ZFHX4: variants seen among roughly 807,000 people sequenced by gnomAD.
The protein encoded by ZFHX4 is zinc finger homeobox 4.
Under a neutral mutation model 267.6 loss-of-function variants are expected in ZFHX4, and 56 were observed. The ratio of observed to expected loss-of-function variants is 0.21; its 90% CI spans 0.17 to 0.26. The LOEUF (loss-of-function observed/expected upper bound fraction) is 0.26, where lower values mean the gene tolerates loss of function less well. ZFHX4 is among the 10% of genes least tolerant of loss of function. ZFHX4 has a pLI of 1.00. For synonymous variants in ZFHX4, 1,778 were observed against 1,665.6 expected (o/e 1.07, Z -1.64); for missense variants, 4,332 against 4,420.0 (o/e 0.98, Z 0.56).
At chr8:76,849,967 T>A in intron 8 of ZFHX4, 1 of 578,156 alleles carries the variant, frequency 1.7e-6, no homozygotes, top group South Asian at 2.2e-5. Flanking sequence ...GTTCATCAAA[T>A]AACCCCAGTG....
intron 4 of ZFHX4, among the ~76,000 whole-genome samples, chr8:76,804,216 G>C (rs1027702979): frequency 6.6e-6 from 1 of 152,074 alleles, no homozygotes; most frequent in African/African-American, 2.4e-5. Context: ...GAAGCAACGT[G>C]AGGAAAACAA....
At chr8:76,859,183 T>C (rs971588222) in intron 10 of ZFHX4, among the ~76,000 whole-genome samples, 1 of 152,202 alleles carries the variant, frequency 6.6e-6, no homozygotes, top group African/African-American at 2.4e-5. Flanking sequence ...CACAAAACTT[T>C]CTTATCTTCC....
chr8:76,788,577 G>A (rs1005251413), intron 4 of ZFHX4, among the ~76,000 whole-genome samples: 3 of 152,114 alleles, frequency 2.0e-5, no homozygotes, highest in Admixed American at 1.3e-4. Flanking sequence ...AACATGAATC[G>A]TTTCTGAGTT....
intron 4 of ZFHX4, among the ~76,000 whole-genome samples, chr8:76,784,584 T>C (rs1810639273): frequency 1.3e-5 from 2 of 151,974 alleles, no homozygotes; most frequent in South Asian, 4.1e-4. Context: ...ACAGTCAAGC[T>C]CCACTCTGTA....
rs1204411507 is a variant in ZFHX4 at position 76,849,712 on chromosome 8, A to C, written c.3846A>C (p.Thr1282=). 1.2e-6 allele frequency: 2 copies of C among 1,612,458 alleles called. No homozygotes were observed. The highest frequency in any genetic ancestry group is 2.2e-5 in the South Asian group (2 of 90,992). ...SPDCVEKLLM[T]VPVPDVMMPN... ...ACTGTGTGGAGAAGCTGCTTATGAC[A>C]GTAAGGATACCAAATATTGATGCAT... Residue 1282 remains threonine, a splice_region_variant and synonymous_variant, in exon 8 of 11, where the codon ACA becomes ACC. Transcript: ENST00000651372.
intron 10 of ZFHX4, among the ~76,000 whole-genome samples, chr8:76,859,234 A>T (rs1353046569): frequency 6.6e-6 from 1 of 152,182 alleles, no homozygotes; most frequent in Admixed American, 6.6e-5. Context: ...AATTACTAAG[A>T]AGGCCCTTTC....
chr8:76,714,912 A>T lies in ZFHX4; in HGVS notation c.3093+6864A>T, dbSNP rs143561974. Among the ~76,000 whole-genome samples, 35 of 152,338 alleles carry T rather than the reference A, an allele frequency of 2.3e-4. No homozygotes were observed. In the East Asian group the frequency reaches 6.6e-3, roughly 29 times the overall value. On this transcript the variant is annotated intron_variant, in intron 3 of 10. Transcript: ENST00000651372. ...CAGAGTTAAATCTATGGACGTAGTC[A>T]TCAAGAGTTTCCATGCATTTTTTCA...
intron 4 of ZFHX4, among the ~76,000 whole-genome samples, chr8:76,789,118 T>C (rs1810769652): frequency 6.6e-6 from 1 of 152,180 alleles, no homozygotes; most frequent in East Asian, 1.9e-4. Flanking sequence ...AAGACTAAAC[T>C]GACATATGAT....
In ZFHX4 at chr8:76,850,371, T is replaced by A. The variant is rs766905023; in HGVS notation, c.3964+9T>A. The A allele has an allele frequency of 3.1e-6, 5 of 1,599,246 alleles. No homozygotes were observed. In the East Asian group the frequency reaches 1.1e-4, roughly 36 times the overall value. ...GTCTGGGAAATATTCAGGTATGCCA[T>A]CTTATCATCAAGACTTGTGAACAAT... On this transcript the variant is annotated intron_variant, in intron 9 of 10. Coordinates refer to ENST00000651372, the MANE Select transcript of ZFHX4 (RefSeq NM_024721.5).
chr8:76,782,833 T>C (rs952937202), intron 4 of ZFHX4, among the ~76,000 whole-genome samples: 8 of 152,014 alleles, frequency 5.3e-5, no homozygotes, highest in African/African-American at 1.7e-4. Context: ...ATAATCGTTT[T>C]TCATTGCTTG....
In ZFHX4 at chr8:76,851,777, C is replaced by A. The variant is rs765108452; in HGVS notation, c.4856C>A (p.Thr1619Lys). Residue 1619 changes from threonine (T) to lysine (K), a missense_variant, in exon 10 of 11, where the codon ACA becomes AAA. By Grantham distance (78) the Thr-to-Lys change is moderately conservative. Transcript: ENST00000651372. ...EIHMRSVLHQTKARAAKLEPS... is the reference protein window; with the variant it reads ...EIHMRSVLHQKKARAAKLEPS... Reference sequence around the variant, plus strand: ...CACATGAGGTCTGTGCTCCACCAGACAAAGGCTAGGGCTGCAAAGCTGGAG... The same window carrying A: ...CACATGAGGTCTGTGCTCCACCAGAAAAAGGCTAGGGCTGCAAAGCTGGAG... 1.9e-6 allele frequency: 3 copies of A among 1,613,978 alleles called. No individual in the cohort carries two copies. Among genetic ancestry groups the A allele is most frequent in the Non-Finnish European group, 8.5e-7 (1 of 1,179,892 alleles).
rs182353089 is a variant in ZFHX4, at chr8:76,718,759, C to G, written c.3093+10711C>G. 4.2e-4 allele frequency among the ~76,000 whole-genome samples: 64 copies of G among 152,088 alleles called. No individual in the cohort carries two copies. In the East Asian group the frequency reaches 0.01, roughly 24 times the overall value. On this transcript the variant is annotated intron_variant, in intron 3 of 10. Coordinates refer to ENST00000651372, the MANE Select transcript of ZFHX4 (RefSeq NM_024721.5). ...AAATCTCTTCCTGATTATCCTATTGCTCAGTTTTTTTCCACATTTCCTTAG... is the reference window on the plus strand; with the variant it reads ...AAATCTCTTCCTGATTATCCTATTGGTCAGTTTTTTTCCACATTTCCTTAG...
intron 3 of ZFHX4, among the ~76,000 whole-genome samples, chr8:76,760,932 A>T (rs1445140882): frequency 6.7e-6 from 1 of 149,308 alleles, no homozygotes; most frequent in Non-Finnish European, 1.5e-5. Context: ...CTGCCTCAAA[A>T]AAAAAAAAAA....
In ZFHX4 at chr8:76,849,401, A is replaced by T. The variant is rs183749345; in HGVS notation, c.3646-111A>T. The T allele has an allele frequency of 9.9e-4, 1,008 of 1,014,098 alleles. 1 individual carries two copies. The highest frequency in any genetic ancestry group is 1.3e-3 in the Non-Finnish European group (896 of 664,184). 62.8% of individuals were successfully genotyped at this position (1,014,098 alleles called of 1,614,324 possible). A position where few individuals can be genotyped will look rare whatever the true frequency, so the allele number is the denominator to read the frequency against. On this transcript the variant is annotated intron_variant, in intron 7 of 10. Coordinates refer to ENST00000651372, the MANE Select transcript of ZFHX4 (RefSeq NM_024721.5). ...CCATTTACCCTGATTTGATTATTAC[A>T]CATTGTAAGCATGTACCAAAATATC...
rs182772977 is a variant in ZFHX4, at chr8:76,699,325, T to A, written c.-46-4718T>A. 3.3e-5 allele frequency among the ~76,000 whole-genome samples: 5 copies of A among 152,306 alleles called. No individual in the cohort carries two copies. The East Asian group carries it at 9.6e-4, about 29-fold the overall frequency. Reference sequence around the variant, plus strand: ...GGATTTGAAACCTTTTCACTTAATATTTTCTATCCCTTTACATCCTTGCAT... The same window carrying A: ...GGATTTGAAACCTTTTCACTTAATAATTTCTATCCCTTTACATCCTTGCAT... On this transcript the variant is annotated intron_variant, in intron 1 of 10. Coordinates refer to ENST00000651372, the MANE Select transcript of ZFHX4 (RefSeq NM_024721.5).
Position 76,705,648 on chromosome 8 carries a change from G to A in ZFHX4, c.1560G>A (p.Lys520=), listed in dbSNP as rs1460748107. ...LSSSVLKFIE[K]GTSSSSATVS... ...CCAGTGTGCTAAAATTTATTGAAAA[G>A]GGTACCTCGTCCTCCTCGGCGACTG... Residue 520 remains lysine (K), a synonymous_variant, in exon 2 of 11, where the codon AAG becomes AAA. Transcript: ENST00000651372. 6.2e-7 allele frequency: 1 copy of A among 1,613,884 alleles called. No homozygotes were observed. The highest frequency in any genetic ancestry group is 1.6e-4 in the Middle Eastern group (1 of 6,062).
At chr8:76,846,420 T>C (rs1411793133) in intron 6 of ZFHX4, among the ~76,000 whole-genome samples, 3 of 152,056 alleles carry the variant, frequency 2.0e-5, no homozygotes, top group Non-Finnish European at 4.4e-5. Context: ...CTGGCTTATA[T>C]TAAGATTATG....
chr8:76,863,296 T>A lies in ZFHX4; in HGVS notation c.9582T>A (p.Thr3194=), dbSNP rs1342417822. Residue 3194 remains threonine (T), a synonymous_variant, in exon 11 of 11, where the codon ACT becomes ACA. Transcript: ENST00000651372. The part of the protein sequence containing the change: ...QQNKESEKKQ[T]KPNKVKKIKE... ...ACAAAGAATCTGAGAAAAAGCAAAC[T>A]AAGCCAAACAAGGTGAAAAAAATCA... 1.2e-6 allele frequency: 2 copies of A among 1,612,496 alleles called. No homozygotes were observed. The highest frequency in any genetic ancestry group is 2.2e-5 in the South Asian group (2 of 90,936).
At chr8:76,848,879 G>A in intron 6 of ZFHX4, 116 bp from the exon 7 acceptor site, 1 of 988,580 alleles carries the variant, frequency 1.0e-6, no homozygotes, top group South Asian at 2.4e-5. Context: ...TAAAATGCTT[G>A]TCGGTTCTTT....
Sources: allele counts gnomAD v4.1 joint callset (sites outside exome capture counted in the v4.1 genomes callset), GRCh38; gene constraint gnomAD v4.1.1; transcripts MANE v1.5; gene names NCBI Gene and HGNC (gene_info 2026-07-23, HGNC 2026-07-21).